PCSK5: variants seen among roughly 807,000 people sequenced by gnomAD.
PCSK5 encodes the protein prohormone convertase 5.
PCSK5 carries 129 observed loss-of-function variants against 233.2 expected under a neutral mutation model. The ratio of observed to expected loss-of-function variants is 0.55; its 90% CI spans 0.48 to 0.64. PCSK5 has a LOEUF of 0.64. Among genes scored for constraint, PCSK5 ranks in the 30% least tolerant of loss-of-function variants. The pLI is 0.00. For missense variants in PCSK5, 2,076 were observed against 2,430.1 expected, an observed-to-expected ratio of 0.85 and a Z score of 3.06; for synonymous variants, 825 against 879.2, an observed-to-expected ratio of 0.94 and a Z score of 1.09.
intron 2 of PCSK5, among the ~76,000 whole-genome samples, chr9:75,979,426 G>T (rs565038357): frequency 0.011 from 1,691 of 152,224 alleles, 18 homozygotes; most frequent in South Asian, 0.034. Flanking sequence ...GGAGTTGTAG[G>T]GACAAGTTCA....
At position 75,907,158 on chromosome 9, in the gene PCSK5, T is replaced by G; in HGVS notation, c.192+15785T>G. 1.3e-5 allele frequency among the ~76,000 whole-genome samples: 2 copies of G among 152,226 alleles called. 1 individual carries two copies. Among genetic ancestry groups the G allele is most frequent in the Non-Finnish European group, 2.9e-5 (2 of 68,046 alleles). Reference sequence around the variant, plus strand: ...GACTTGCATAATAGCTTGCCCAGAATTCTCTTAGGGAATTAAATATAGTTA... The same window carrying G: ...GACTTGCATAATAGCTTGCCCAGAAGTCTCTTAGGGAATTAAATATAGTTA... On this transcript the variant is annotated intron_variant, in intron 1 of 37. Transcript: ENST00000674117.
At chr9:76,099,376 A>G (rs577210373) in intron 8 of PCSK5, among the ~76,000 whole-genome samples, 1 of 152,138 alleles carries the variant, frequency 6.6e-6, no homozygotes, top group Non-Finnish European at 1.5e-5. Flanking sequence ...AGACTGAGTT[A>G]AGGTGCCTGA....
At chr9:75,963,104 TCTC>T (rs1392360577) in intron 2 of PCSK5, among the ~76,000 whole-genome samples, 2 of 152,250 alleles carry the variant, frequency 1.3e-5, no homozygotes, top group Admixed American at 6.5e-5. Context: ...AATTTTTTAT[TCTC>T]CTTTTTCTTT....
In PCSK5 at chr9:76,086,827, A is replaced by T. The variant is rs144759632; in HGVS notation, c.895-9063A>T. Among the ~76,000 whole-genome samples, 10 of 152,316 alleles carry T rather than the reference A, an allele frequency of 6.6e-5. No individual in the cohort carries two copies. In the East Asian group the frequency reaches 1.9e-3, roughly 29 times the overall value. ...TTCCCTTATGTAGAAATGTAAAATT[A>T]TACTGAATGAAGCTTTTATGTGTCC... On this transcript the variant is annotated intron_variant, in intron 7 of 37. Transcript: ENST00000674117.
intron 24 of PCSK5, among the ~76,000 whole-genome samples, chr9:76,270,465 C>A (rs1827480071): frequency 6.6e-6 from 1 of 152,168 alleles, no homozygotes; most frequent in African/African-American, 2.4e-5. Context: ...CCCACAATCT[C>A]CAAAGGATTG....
chr9:76,144,649 C>G (rs1823369861), intron 10 of PCSK5, among the ~76,000 whole-genome samples: 2 of 152,314 alleles, frequency 1.3e-5, no homozygotes, highest in South Asian at 4.1e-4. Context: ...ATGGGCATCC[C>G]TGTTGCATGG....
intron 5 of PCSK5, among the ~76,000 whole-genome samples, chr9:76,036,773 C>CA (rs1285196434): frequency 2.0e-5 from 3 of 152,228 alleles, no homozygotes; most frequent in African/African-American, 7.2e-5. Flanking sequence ...TGTTTGTTCT[C>CA]ACACTGTCTG....
At chr9:76,121,833 T>G (rs1298108463) in intron 9 of PCSK5, among the ~76,000 whole-genome samples, 1 of 68,018 alleles carries the variant, frequency 1.5e-5, no homozygotes, top group African/African-American at 5.4e-5. Flanking sequence ...TTTTTTTTTT[T>G]TTTTTTTTGA....
At chr9:76,289,513 AACATACACACAC>A (rs1828212153) in intron 24 of PCSK5, among the ~76,000 whole-genome samples, 2 of 75,796 alleles carry the variant, frequency 2.6e-5, no homozygotes, top group African/African-American at 1.2e-4. Flanking sequence ...ACACACACGC[AACATACACACAC>A]ACACACACAC....
In PCSK5 at chr9:75,891,364, C is replaced by A; in HGVS notation, c.183C>A (p.Asn61Lys). Reference protein sequence around the residue: ...NRIASKYGFINIGQIGALKDY... With the variant: ...NRIASKYGFIKIGQIGALKDY... The stretch of plus-strand genomic sequence containing the variant: ...TCGCCAGCAAGTACGGATTCATCAA[C>A]ATAGGACAGGTAACGAACTACAGGC... The change falls in exon 1 of 38, where the codon AAC (asparagine) becomes AAA (lysine). Residue 61 changes from asparagine (N) to lysine (K), a missense_variant. Coordinates refer to ENST00000674117, the MANE Select transcript of PCSK5 (RefSeq NM_001372043.1). 6.4e-7 allele frequency: 1 copy of A among 1,555,610 alleles called. No homozygotes were observed. Among genetic ancestry groups the A allele is most frequent in the Admixed American group, 2.0e-5 (1 of 49,736 alleles).
At chr9:75,891,841 G>A (rs1480756264) in intron 1 of PCSK5, among the ~76,000 whole-genome samples, 2 of 152,040 alleles carry the variant, frequency 1.3e-5, no homozygotes, top group Non-Finnish European at 2.9e-5. Context: ...CCTGAATTTA[G>A]CCCAGAAAGA....
intron 24 of PCSK5, among the ~76,000 whole-genome samples, chr9:76,253,518 A>G (rs1826883701): frequency 6.6e-6 from 1 of 152,206 alleles, no homozygotes; most frequent in South Asian, 2.1e-4. Context: ...GAACTTGCAG[A>G]CATTGTGCAG....
At chr9:76,201,451 C>G (rs1404259961) in intron 20 of PCSK5, among the ~76,000 whole-genome samples, 1 of 152,142 alleles carries the variant, frequency 6.6e-6, no homozygotes, top group African/African-American at 2.4e-5. Flanking sequence ...GATAGAAGGT[C>G]TGGGATTAAT....
At chr9:76,008,717 C>T (rs1213871797) in intron 3 of PCSK5, among the ~76,000 whole-genome samples, 1 of 152,188 alleles carries the variant, frequency 6.6e-6, no homozygotes, top group Non-Finnish European at 1.5e-5. Context: ...GCCTCAGCCT[C>T]CCAAAGTGCT....
chr9:76,303,830 G>C (rs921344914), intron 28 of PCSK5, among the ~76,000 whole-genome samples: 5 of 152,176 alleles, frequency 3.3e-5, no homozygotes, highest in African/African-American at 1.2e-4. Flanking sequence ...CTTAGCAGAT[G>C]CCCCAGAGAG....
At chr9:76,325,657 C>T (rs937075481) in intron 32 of PCSK5, among the ~76,000 whole-genome samples, 3 of 129,012 alleles carry the variant, frequency 2.3e-5, no homozygotes, top group East Asian at 1.9e-4. Flanking sequence ...TTTTTTGAGA[C>T]GGAGTTTTGC....
chr9:76,057,272 TTCATA>T (rs1299147035), intron 5 of PCSK5, among the ~76,000 whole-genome samples: 1 of 152,186 alleles, frequency 6.6e-6, no homozygotes, highest in Non-Finnish European at 1.5e-5. Context: ...ATGAATCTTG[TTCATA>T]CACTTGAACT....
intron 10 of PCSK5, among the ~76,000 whole-genome samples, chr9:76,142,969 C>T (rs964892086): frequency 6.6e-6 from 1 of 152,096 alleles, no homozygotes; most frequent in Admixed American, 6.6e-5. Flanking sequence ...TTTCAATAAA[C>T]AATAAATGGC....
At chr9:76,287,311 C>A in intron 24 of PCSK5, 1 of 227,680 alleles carries the variant, frequency 4.4e-6, no homozygotes, top group East Asian at 1.1e-4. Context: ...GGGTATGGTC[C>A]AGGCCAGTTT....
Sources: allele counts gnomAD v4.1 joint callset (sites outside exome capture counted in the v4.1 genomes callset), GRCh38; gene constraint gnomAD v4.1.1; transcripts MANE v1.5; gene names NCBI Gene and HGNC (gene_info 2026-07-23, HGNC 2026-07-21).